Variants in MKLN1 observed in about 807,000 individuals in gnomAD.
MKLN1 encodes the protein muskelin 1.
A neutral mutation model predicts 99.0 loss-of-function variants in MKLN1; 18 were observed. The ratio of observed to expected loss-of-function variants is 0.18; its 90% CI spans 0.13 to 0.27. The LOEUF (loss-of-function observed/expected upper bound fraction) is 0.27, where lower values mean the gene tolerates loss of function less well. Among genes scored for constraint, MKLN1 ranks in the 10% least tolerant of loss-of-function variants. The pLI, the probability that MKLN1 is intolerant of heterozygous loss-of-function variation, is 1.00. For synonymous variants in MKLN1, 288 were observed against 293.2 expected (o/e 0.98, Z 0.18); for missense variants, 621 against 875.9 (o/e 0.71, Z 3.67).
intron 1 of MKLN1, among the ~76,000 whole-genome samples, chr7:131,133,830 T>TTTTTTTTTTTTTTTTTTTTTTTTG (rs1795604513): frequency 8.5e-6 from 1 of 118,062 alleles, no homozygotes; most frequent in Non-Finnish European, 1.8e-5. Flanking sequence ...GTTTTTTTTT[T>TTTTTTTTTTTTTTTTTTTTTTTTG]TTTTTTTTTT....
intron 2 of MKLN1, among the ~76,000 whole-genome samples, chr7:131,158,342 G>A (rs1053694748): frequency 6.6e-6 from 1 of 152,206 alleles, no homozygotes; most frequent in African/African-American, 2.4e-5. Flanking sequence ...GCTGAGGCAG[G>A]AGAATCACTT....
chr7:131,140,606 C>T (rs1486746452), intron 1 of MKLN1, among the ~76,000 whole-genome samples: 1 of 152,190 alleles, frequency 6.6e-6, no homozygotes, highest in Non-Finnish European at 1.5e-5. Context: ...GTCCCCTTCA[C>T]CTTCTGCCGT....
chr7:131,268,146 A>C (rs543355770), intron 3 of MKLN1, among the ~76,000 whole-genome samples: 1 of 152,354 alleles, frequency 6.6e-6, no homozygotes, highest in African/African-American at 2.4e-5. Flanking sequence ...GAATATAAAA[A>C]TGTCCAGAGG....
At chr7:131,276,151 C>A (rs1033299156) in intron 3 of MKLN1, among the ~76,000 whole-genome samples, 11 of 152,278 alleles carry the variant, frequency 7.2e-5, no homozygotes, top group African/African-American at 2.4e-4. Context: ...GGAAGGAAAC[C>A]ACAGAAGCAT....
chr7:131,332,710 T>TAAC (rs372630728), intron 1 of MKLN1, among the ~76,000 whole-genome samples: 89 of 152,188 alleles, frequency 5.8e-4, no homozygotes, highest in African/African-American at 2.1e-3. Context: ...TTTTCCTCCT[T>TAAC]AACATATAGT....
chr7:131,311,636 A>C (rs570190548), intron 3 of MKLN1, among the ~76,000 whole-genome samples: 1 of 152,204 alleles, frequency 6.6e-6, no homozygotes, highest in Non-Finnish European at 1.5e-5. Context: ...TGTCCAATTT[A>C]AAAGTTTAAA....
intron 12 of MKLN1, among the ~76,000 whole-genome samples, chr7:131,453,492 T>G (rs1301153282): frequency 6.6e-6 from 1 of 152,136 alleles, no homozygotes; most frequent in Non-Finnish European, 1.5e-5. Flanking sequence ...AAAATCTGAC[T>G]CCAGCCTGGG....
chr7:131,478,589 C>A, intron 16 of MKLN1, 34 bp from the exon 17 acceptor site: 2 of 1,374,854 alleles, frequency 1.5e-6, no homozygotes, highest in Non-Finnish European at 1.9e-6. Context: ...AGCTAATTTG[C>A]TGCTTCTTTT....
intron 3 of MKLN1, among the ~76,000 whole-genome samples, chr7:131,245,635 A>G (rs577661135): frequency 2.0e-5 from 3 of 152,286 alleles, no homozygotes; most frequent in Admixed American, 6.5e-5. Flanking sequence ...TGATACACAA[A>G]TACTATTGTG....
At chr7:131,431,822 T>C (rs1232093576) in intron 9 of MKLN1, among the ~76,000 whole-genome samples, 2 of 152,252 alleles carry the variant, frequency 1.3e-5, no homozygotes, top group African/African-American at 4.8e-5. Flanking sequence ...TCATCTCCCA[T>C]GTGCCAGTTA....
At chr7:131,439,893 C>T (rs1795783325) in intron 10 of MKLN1, among the ~76,000 whole-genome samples, 1 of 150,932 alleles carries the variant, frequency 6.6e-6, no homozygotes, top group Admixed American at 6.6e-5. Context: ...CACACACACA[C>T]ACACACACAC....
At chr7:131,194,899 C>T (rs6467361) in intron 2 of MKLN1, among the ~76,000 whole-genome samples, 24,780 of 152,028 alleles carry the variant, frequency 0.16, 2,710 homozygotes, top group African/African-American at 0.31. Context: ...TTTAAAGGCA[C>T]CAAATCATGA....
rs150039520 is a variant in MKLN1, at chr7:131,138,512, A to G, written c.-418-4308A>G. Among the ~76,000 whole-genome samples, 270 of 152,290 alleles carry G rather than the reference A, an allele frequency of 1.8e-3. 1 individual carries two copies. Among genetic ancestry groups the G allele is most frequent in the African/African-American group, 6.0e-3 (250 of 41,550 alleles). Reference sequence around the variant, plus strand: ...AGCCCTTACTAGTATTTACATTGTAAAAGTGTTGTTACTGTAAATTAGATA... The same window carrying G: ...AGCCCTTACTAGTATTTACATTGTAGAAGTGTTGTTACTGTAAATTAGATA... On this transcript the variant is annotated intron_variant, in intron 1 of 7. Coordinates refer to the MKLN1 transcript ENST00000416992.
chr7:131,268,021 A>C (rs1302590822), intron 3 of MKLN1, among the ~76,000 whole-genome samples: 1 of 152,228 alleles, frequency 6.6e-6, no homozygotes, highest in Non-Finnish European at 1.5e-5. Flanking sequence ...GACAAAAACA[A>C]GACAGGTTTA....
At chr7:131,423,942 G>T (rs1795276862) in intron 8 of MKLN1, among the ~76,000 whole-genome samples, 1 of 152,218 alleles carries the variant, frequency 6.6e-6, no homozygotes, top group African/African-American at 2.4e-5. Context: ...ATAGCTTTAT[G>T]TAAGAATACA....
At chr7:131,388,822 G>A (rs542937149) in intron 3 of MKLN1, 62 bp from the exon 4 acceptor site, 21 of 1,036,712 alleles carry the variant, frequency 2.0e-5, no homozygotes, top group South Asian at 1.4e-4. Flanking sequence ...GCATTAATTC[G>A]TGTTCTAGTG....
At chr7:131,251,670 CT>C (rs71311093) in intron 3 of MKLN1, among the ~76,000 whole-genome samples, 3,844 of 143,450 alleles carry the variant, frequency 0.027, 64 homozygotes, top group Middle Eastern at 0.098. Flanking sequence ...GCAACATTTT[CT>C]TTTTTTTTTT....
At chr7:131,451,899 ATAGTAAGAGTGCTTTCTCCTG>A (rs1457561150) in intron 12 of MKLN1, among the ~76,000 whole-genome samples, 1 of 152,214 alleles carries the variant, frequency 6.6e-6, no homozygotes, top group East Asian at 1.9e-4. Flanking sequence ...TCAGTCTACT[ATAGTAAGAGTGCTTTCTCCTG>A]TTCGTATTCA....
intron 2 of MKLN1, among the ~76,000 whole-genome samples, chr7:131,145,397 TA>T (rs943676286): frequency 1.6e-4 from 25 of 151,708 alleles, no homozygotes; most frequent in African/African-American, 4.1e-4. Context: ...GATGTAGCTT[TA>T]AAAAAAAATC....
Sources: allele counts gnomAD v4.1 joint callset (sites outside exome capture counted in the v4.1 genomes callset), GRCh38; gene constraint gnomAD v4.1.1; transcripts MANE v1.5; gene names NCBI Gene and HGNC (gene_info 2026-07-23, HGNC 2026-07-21).